ARHGAP42: variants seen among roughly 807,000 people sequenced by gnomAD.
The protein encoded by ARHGAP42 is Rho GTPase activating protein 42.
In ARHGAP42, 63 loss-of-function variants were observed where a neutral mutation model predicts 125.0. That is an observed-to-expected ratio of 0.50 (90% CI 0.41 to 0.62). The LOEUF is 0.62. ARHGAP42 is among the 20% of genes least tolerant of loss of function. ARHGAP42 has a pLI of 0.00. For synonymous variants in ARHGAP42, 339 were observed against 351.0 expected, an observed-to-expected ratio of 0.97 and a Z score of 0.38; for missense variants, 766 against 1,024.2, an observed-to-expected ratio of 0.75 and a Z score of 3.44.
rs1055272066 is a variant in ARHGAP42, at chr11:100,723,220, G to A, written c.154+35388G>A. ...TGAGTCTTGAAGTCAGGTGATGCCC[G>A]TCCTCTGACTTTATTCTTCTTCAAT... On this transcript the variant is annotated intron_variant, in intron 1 of 23. Coordinates refer to ENST00000298815, the MANE Select transcript of ARHGAP42 (RefSeq NM_152432.4). 6.6e-5 allele frequency among the ~76,000 whole-genome samples: 10 copies of A among 152,064 alleles called. No individual in the cohort carries two copies. In the East Asian group the frequency reaches 9.6e-4, roughly 15 times the overall value.
At chr11:100,908,326 C>T (rs544962794) in intron 4 of ARHGAP42, among the ~76,000 whole-genome samples, 13 of 152,178 alleles carry the variant, frequency 8.5e-5, no homozygotes, top group South Asian at 8.3e-4. Context: ...GTGTGTATTC[C>T]GGGGTTTTAG....
chr11:100,875,099 CTCTCTCTCTGTG>C (rs1427698627), intron 4 of ARHGAP42, among the ~76,000 whole-genome samples: 1,658 of 106,282 alleles, frequency 0.016, 11 homozygotes, highest in Admixed American at 0.028. Context: ...CTCTCTCTCT[CTCTCTCTCTGTG>C]TGTGTGTGTG....
chr11:100,736,755 CT>C (rs909573353), intron 1 of ARHGAP42, among the ~76,000 whole-genome samples: 29 of 151,988 alleles, frequency 1.9e-4, no homozygotes, highest in Non-Finnish European at 3.5e-4. Flanking sequence ...AGCAGTTTGT[CT>C]TTTTTTTAAA....
At chr11:100,720,131 T>G (rs1417782803) in intron 1 of ARHGAP42, among the ~76,000 whole-genome samples, 1 of 152,230 alleles carries the variant, frequency 6.6e-6, no homozygotes, top group African/African-American at 2.4e-5. Flanking sequence ...TGCTGAAACT[T>G]GCCCCAGAAG....
At chr11:100,909,091 A>G (rs149828419) in intron 4 of ARHGAP42, among the ~76,000 whole-genome samples, 106 of 151,916 alleles carry the variant, frequency 7.0e-4, no homozygotes, top group African/African-American at 2.3e-3. Flanking sequence ...TTGTCTTTTT[A>G]TTGTGAGGTT....
chr11:100,690,960 A>G (rs1410381979), intron 1 of ARHGAP42, among the ~76,000 whole-genome samples: 7 of 152,158 alleles, frequency 4.6e-5, no homozygotes, highest in Non-Finnish European at 1.0e-4. Context: ...ATGGTTAATT[A>G]AGTGTATCGA....
At chr11:100,712,120 A>C (rs1861574295) in intron 1 of ARHGAP42, among the ~76,000 whole-genome samples, 1 of 152,112 alleles carries the variant, frequency 6.6e-6, no homozygotes, top group Non-Finnish European at 1.5e-5. Flanking sequence ...CTTCCTTTCT[A>C]AAGGAACCTT....
chr11:100,743,389 G>T (rs549029643), intron 1 of ARHGAP42, among the ~76,000 whole-genome samples: 1 of 152,260 alleles, frequency 6.6e-6, no homozygotes, highest in South Asian at 2.1e-4. Context: ...GCTAAAGATA[G>T]GACCCCAATC....
intron 3 of ARHGAP42, among the ~76,000 whole-genome samples, chr11:100,846,215 A>G (rs1490431089): frequency 6.6e-6 from 1 of 152,146 alleles, no homozygotes; most frequent in Non-Finnish European, 1.5e-5. Context: ...GGTGGTCTTC[A>G]TTTGCTATCT....
intron 22 of ARHGAP42, among the ~76,000 whole-genome samples, chr11:100,980,339 G>A (rs902231962): frequency 2.0e-5 from 3 of 151,884 alleles, no homozygotes; most frequent in African/African-American, 7.3e-5. Context: ...TACTTCTTCT[G>A]CCATGCTACG....
chr11:100,974,672 T>C (rs561622258), intron 19 of ARHGAP42, 69 bp downstream of exon 19: 1 of 1,410,404 alleles, frequency 7.1e-7, no homozygotes, highest in African/African-American at 1.4e-5. Context: ...ACTGTATTGG[T>C]AATTAGGTAG....
At chr11:100,901,718 G>T (rs1866556162) in intron 4 of ARHGAP42, among the ~76,000 whole-genome samples, 1 of 152,252 alleles carries the variant, frequency 6.6e-6, no homozygotes, top group African/African-American at 2.4e-5. Context: ...GACCCCCTGA[G>T]CCAGGCACGG....
At chr11:100,808,341 G>A (rs1864048393) in intron 3 of ARHGAP42, among the ~76,000 whole-genome samples, 1 of 151,624 alleles carries the variant, frequency 6.6e-6, no homozygotes, top group Non-Finnish European at 1.5e-5. Context: ...CAAGAGAAAG[G>A]GCAACAAAAG....
chr11:100,940,092 G>A (rs1056804725), intron 8 of ARHGAP42, among the ~76,000 whole-genome samples: 2 of 152,048 alleles, frequency 1.3e-5, no homozygotes, highest in African/African-American at 4.8e-5. Flanking sequence ...TCCCCAAATG[G>A]AATTGCAGTT....
intron 4 of ARHGAP42, among the ~76,000 whole-genome samples, chr11:100,876,796 T>G (rs1865832913): frequency 6.6e-6 from 1 of 152,234 alleles, no homozygotes; most frequent in Admixed American, 6.5e-5. Context: ...TTAATAGGTT[T>G]CACTTAATAC....
At chr11:100,961,565 C>A in intron 14 of ARHGAP42, 119 bp from the exon 15 acceptor site, 1 of 783,660 alleles carries the variant, frequency 1.3e-6, no homozygotes. Flanking sequence ...TAACTCTTGG[C>A]ATTCTAAGAA....
chr11:100,796,440 G>C (rs1366912582), intron 3 of ARHGAP42, among the ~76,000 whole-genome samples: 2 of 152,166 alleles, frequency 1.3e-5, no homozygotes, highest in African/African-American at 4.8e-5. Context: ...GCCTCTAAGT[G>C]TTCAAGTGAA....
chr11:100,725,940 A>C (rs1861852879), intron 1 of ARHGAP42, among the ~76,000 whole-genome samples: 2 of 151,190 alleles, frequency 1.3e-5, no homozygotes, highest in Admixed American at 1.3e-4. Flanking sequence ...GTCTCAAAAA[A>C]AAAAAAAAAA....
At chr11:100,739,019 G>A (rs2120337980) in intron 1 of ARHGAP42, among the ~76,000 whole-genome samples, 1 of 152,300 alleles carries the variant, frequency 6.6e-6, no homozygotes, top group Admixed American at 6.5e-5. Flanking sequence ...CCCAGACCTA[G>A]TTTGAGATCT....
Sources: allele counts gnomAD v4.1 joint callset (sites outside exome capture counted in the v4.1 genomes callset), GRCh38; gene constraint gnomAD v4.1.1; transcripts MANE v1.5; gene names NCBI Gene and HGNC (gene_info 2026-07-23, HGNC 2026-07-21).